RSRP1: variants seen among roughly 807,000 people sequenced by gnomAD.
RSRP1 encodes arginine/serine-rich protein 1.
A neutral mutation model predicts 33.0 loss-of-function variants in RSRP1; 37 were observed. That is an observed-to-expected ratio of 1.12 (90% CI 0.86 to 1.48). RSRP1 has a LOEUF of 1.48. Ranked by LOEUF, RSRP1 falls within the 40% of genes most tolerant of loss-of-function variation. RSRP1 has a pLI of 0.00. For missense variants in RSRP1, 402 were observed against 385.3 expected (o/e 1.04, Z -0.36); for synonymous variants, 167 against 158.7 (o/e 1.05, Z -0.40).
chr1:25,246,371 C>G, intron 2 of RSRP1, 73 bp downstream of exon 2: 2 of 1,554,470 alleles, frequency 1.3e-6, no homozygotes, highest in Non-Finnish European at 1.7e-6. Flanking sequence ...TACACAGCAA[C>G]GTTGGTTCCC....
chr1:25,276,532 T>TAAAAAAAAAAAAAAAAAAAAAAAAAAAA (rs557746335), intron 1 of RSRP1, among the ~76,000 whole-genome samples: 2 of 64,784 alleles, frequency 3.1e-5, no homozygotes, highest in African/African-American at 1.4e-4. Flanking sequence ...CCCCCATCTC[T>TAAAAAAAAAAAAAAAAAAAAAAAAAAAA]AAAAAAAAAA....
At chr1:25,250,146 A>G (rs1390261553), upstream of RSRP1, among the ~76,000 whole-genome samples, 1 of 152,166 alleles carries the variant, frequency 6.6e-6, no homozygotes, top group Non-Finnish European at 1.5e-5. Context: ...AAAAAAGTTA[A>G]TTGGTTATAG....
chr1:25,248,512 GT>G (rs1301923176), upstream of RSRP1, among the ~76,000 whole-genome samples: 2 of 152,072 alleles, frequency 1.3e-5, no homozygotes, highest in Non-Finnish European at 2.9e-5. Context: ...ATCTAACTGT[GT>G]TGCCCAGGCT....
At chr1:25,273,727 A>AAGCAATCTCAGT (rs1203961844) in intron 1 of RSRP1, among the ~76,000 whole-genome samples, 1 of 128,528 alleles carries the variant, frequency 7.8e-6, no homozygotes, top group Non-Finnish European at 1.8e-5. Flanking sequence ...AATGAGTTTC[A>AAGCAATCTCAGT]GGCATCTCAG....
chr1:25,244,017 C>G (rs1639129003), intron 3 of RSRP1: 1 of 1,189,420 alleles, frequency 8.4e-7, no homozygotes, highest in Admixed American at 3.9e-5. Context: ...ACTGAGCAAA[C>G]CCACATCTGG....
At chr1:25,243,973 C>T in intron 3 of RSRP1, 1 of 1,151,386 alleles carries the variant, frequency 8.7e-7, no homozygotes, top group Non-Finnish European at 1.1e-6. Flanking sequence ...CAGTTAGGCA[C>T]CTAATCGTCT....
Position 25,275,028 on chromosome 1 carries a change from C to G in RSRP1, c.-66-27999G>C, listed in dbSNP as rs534532874. Among the ~76,000 whole-genome samples, 13 of 129,714 alleles carry G rather than the reference C, an allele frequency of 1.0e-4. 2 individuals are homozygous for G. In the South Asian group the frequency reaches 2.8e-3, roughly 28 times the overall value. The allele number at this position is 129,714 out of a possible 152,430, so 85.1% of individuals were successfully genotyped here. A position where few individuals can be genotyped will look rare whatever the true frequency, so the allele number is the denominator to read the frequency against. ...CAGGGACTGGGTGTGGTGACTCATG[C>G]CTGTAATCCCAAACACTTTGGGAGA... On this transcript the variant is annotated intron_variant, in intron 1 of 1. Transcript: ENST00000561867.
At position 25,246,330 on chromosome 1, in the gene RSRP1, T is replaced by C. The variant is rs1639387856; in HGVS notation, c.520+114A>G. On this transcript the variant is annotated intron_variant, in intron 2 of 4. Coordinates refer to ENST00000243189, the MANE Select transcript of RSRP1 (RefSeq NM_020317.5). The stretch of plus-strand genomic sequence containing the variant: ...GTCCTCCCTCTTTCCTCCAAAAAGA[T>C]TTCGGGCACTAAAGGAACTAATATT... 7 of 1,478,486 alleles carry C rather than the reference T, an allele frequency of 4.7e-6. No individual in the cohort carries two copies. In the African/African-American group the frequency reaches 5.6e-5, roughly 12 times the overall value. 91.6% of individuals were successfully genotyped at this position (1,478,486 alleles called of 1,614,324 possible).
intron 1 of RSRP1, among the ~76,000 whole-genome samples, chr1:25,316,560 C>T (rs1179358453): frequency 2.1e-5 from 2 of 96,524 alleles, no homozygotes; most frequent in African/African-American, 6.6e-5. Flanking sequence ...TGCAGTGAGC[C>T]GACCACTGCA....
Position 25,245,072 on chromosome 1 carries a change from G to A in RSRP1, c.672+78C>T, listed in dbSNP as rs770011297. On this transcript the variant is annotated intron_variant, in intron 3 of 4. Coordinates refer to ENST00000243189, the MANE Select transcript of RSRP1 (RefSeq NM_020317.5). ...ATCTCTAGACTTCCCAAAAAGTATAGTCTAAGATATAAGTGGCTAATCAGA... is the reference window on the plus strand; with the variant it reads ...ATCTCTAGACTTCCCAAAAAGTATAATCTAAGATATAAGTGGCTAATCAGA... 22 of 1,612,290 alleles carry A rather than the reference G, an allele frequency of 1.4e-5. No individual in the cohort carries two copies. The South Asian group carries it at 2.3e-4, about 17-fold the overall frequency.
In RSRP1 at chr1:25,274,452, G is replaced by A. The variant is rs566880665; in HGVS notation, c.-66-27423C>T. Among the ~76,000 whole-genome samples, 85 of 132,170 alleles carry A rather than the reference G, an allele frequency of 6.4e-4. 14 individuals are homozygous for A. The highest frequency in any genetic ancestry group is 2.1e-3 in the African/African-American group (81 of 38,876). 86.7% of individuals were successfully genotyped at this position (132,170 alleles called of 152,430 possible). On this transcript the variant is annotated intron_variant, in intron 1 of 1. Coordinates refer to the RSRP1 transcript ENST00000561867. ...GGTCCATGTTCTTTACCCCTGCACC[G>A]TGCTACTAACGTAGGTACAAAATGT... is the stretch of plus-strand genomic sequence containing the variant.
At chr1:25,243,886 T>C (rs1021681415) in intron 3 of RSRP1, 2 of 1,220,166 alleles carry the variant, frequency 1.6e-6, no homozygotes, top group East Asian at 4.4e-5. Context: ...TAATCAGTTT[T>C]CTCAGGTTGA....
At chr1:25,318,537 G>A (rs1644530567) in intron 1 of RSRP1, among the ~76,000 whole-genome samples, 2 of 131,346 alleles carry the variant, frequency 1.5e-5, no homozygotes, top group East Asian at 2.0e-4. Flanking sequence ...ATAGTGAGTC[G>A]AGGTTGCACC....
chr1:25,248,169 A>C (rs1206724757), upstream of RSRP1: 2 of 152,224 alleles, frequency 1.3e-5, no homozygotes, highest in African/African-American at 4.8e-5. Flanking sequence ...AAAAGACTCA[A>C]AACTGACCTT....
At chr1:25,282,616 T>G (rs1641590036) in intron 1 of RSRP1, among the ~76,000 whole-genome samples, 1 of 132,534 alleles carries the variant, frequency 7.5e-6, no homozygotes, top group African/African-American at 2.6e-5. Flanking sequence ...ATGCTTCCCC[T>G]TCCACCTTTT....
chr1:25,243,904 T>A, intron 3 of RSRP1: 1 of 1,202,550 alleles, frequency 8.3e-7, no homozygotes, highest in Non-Finnish European at 1.0e-6. Context: ...TGAATCAAGT[T>A]CACTTTTGAA....
chr1:25,277,092 G>A (rs187261465), intron 1 of RSRP1, among the ~76,000 whole-genome samples: 2 of 131,998 alleles, frequency 1.5e-5, no homozygotes, highest in South Asian at 2.3e-4. Flanking sequence ...AAAAATAAAT[G>A]AAACATAAAA....
intron 1 of RSRP1, among the ~76,000 whole-genome samples, chr1:25,285,483 T>C (rs760032523): frequency 2.2e-5 from 3 of 135,128 alleles, no homozygotes; most frequent in Non-Finnish European, 5.3e-5. Flanking sequence ...CTAATGCTGC[T>C]AGACAATAAA....
chr1:25,332,706 A>C lies in RSRP1; in HGVS notation c.-67+5272T>G, dbSNP rs1317418433. On this transcript the variant is annotated intron_variant, in intron 1 of 1. Coordinates refer to the RSRP1 transcript ENST00000561867. ...CTGTCCCCATGAAACTTGTATTCTA[A>C]TGGAAAAAACAGAAAACAAACAGAT... 3.8e-5 allele frequency among the ~76,000 whole-genome samples: 5 copies of C among 133,024 alleles called. 1 individual carries two copies. Among genetic ancestry groups the C allele is most frequent in the Non-Finnish European group, 8.9e-5 (5 of 56,148 alleles). The allele number at this position is 133,024 out of a possible 152,430, so 87.3% of individuals were successfully genotyped here.
Sources: allele counts gnomAD v4.1 joint callset (sites outside exome capture counted in the v4.1 genomes callset), GRCh38; gene constraint gnomAD v4.1.1; transcripts MANE v1.5; gene names NCBI Gene and HGNC (gene_info 2026-07-23, HGNC 2026-07-21).